The following CUL5 variants were observed in gnomAD, a reference collection of about 807,000 sequenced individuals.
CUL5 encodes cullin 5.
A neutral mutation model predicts 108.8 loss-of-function variants in CUL5; 26 were observed. That is an observed-to-expected ratio of 0.24 (90% CI 0.18 to 0.33). The LOEUF (loss-of-function observed/expected upper bound fraction) is 0.33. CUL5 is among the 10% of genes least tolerant of loss of function. CUL5 has a pLI of 1.00. For synonymous variants in CUL5, 334 were observed against 298.0 expected, an observed-to-expected ratio of 1.12 and a Z score of -1.25; for missense variants, 524 against 909.2, an observed-to-expected ratio of 0.58 and a Z score of 5.45.
At chr11:108,088,103 T>G (rs1200744697) in intron 11 of CUL5, among the ~76,000 whole-genome samples, 1 of 152,142 alleles carries the variant, frequency 6.6e-6, no homozygotes, top group African/African-American at 2.4e-5. Context: ...GTAGGTTATA[T>G]TGGATACATT....
chr11:108,013,904 A>G (rs1468973692), intron 1 of CUL5, among the ~76,000 whole-genome samples: 2 of 152,138 alleles, frequency 1.3e-5, no homozygotes, highest in Admixed American at 6.6e-5. Flanking sequence ...AACAACAACA[A>G]TAAAAAGTGC....
At chr11:108,053,643 ATTTT>A (rs1863295536) in intron 5 of CUL5, among the ~76,000 whole-genome samples, 1 of 137,286 alleles carries the variant, frequency 7.3e-6, no homozygotes, top group African/African-American at 2.7e-5. Flanking sequence ...TTTTATTGGT[ATTTT>A]TTCTACTTAC....
At chr11:108,087,277 A>G (rs1294695836) in intron 11 of CUL5, among the ~76,000 whole-genome samples, 1 of 152,248 alleles carries the variant, frequency 6.6e-6, no homozygotes, top group Non-Finnish European at 1.5e-5. Flanking sequence ...TGATGCATCC[A>G]GTAAAATTTT....
intron 1 of CUL5, among the ~76,000 whole-genome samples, chr11:108,032,866 T>C (rs1027552690): frequency 5.3e-5 from 8 of 152,050 alleles, no homozygotes; most frequent in African/African-American, 1.9e-4. Flanking sequence ...TTTTTTTTTC[T>C]CCTCAGTTTT....
intron 1 of CUL5, among the ~76,000 whole-genome samples, chr11:108,013,693 T>G (rs1440235622): frequency 2.6e-5 from 4 of 152,168 alleles, no homozygotes; most frequent in African/African-American, 9.7e-5. Context: ...TAAACTGAAA[T>G]ATGATTCATA....
intron 11 of CUL5, among the ~76,000 whole-genome samples, chr11:108,079,452 C>T (rs1001459083): frequency 2.4e-4 from 36 of 152,152 alleles, no homozygotes; most frequent in African/African-American, 8.2e-4. Context: ...AATAGAGTTA[C>T]TATGGTTGCT....
intron 4 of CUL5, among the ~76,000 whole-genome samples, chr11:108,050,278 T>C (rs933148239): frequency 7.2e-5 from 11 of 152,186 alleles, no homozygotes; most frequent in Non-Finnish European, 1.5e-4. Context: ...GCTATAGATC[T>C]GCATCTTCAA....
At chr11:108,041,898 G>C (rs1862927637) in intron 2 of CUL5, among the ~76,000 whole-genome samples, 1 of 151,924 alleles carries the variant, frequency 6.6e-6, no homozygotes, top group African/African-American at 2.4e-5. Flanking sequence ...GGCCCCATCA[G>C]CTTCTTAAAA....
chr11:108,042,637 A>G (rs766703608), intron 2 of CUL5, among the ~76,000 whole-genome samples: 65 of 152,112 alleles, frequency 4.3e-4, no homozygotes, highest in Non-Finnish European at 8.1e-4. Context: ...CAACTATTCC[A>G]GGAAGCCTTT....
intron 18 of CUL5, among the ~76,000 whole-genome samples, chr11:108,102,971 T>G (rs111881191): frequency 6.6e-6 from 1 of 151,770 alleles, no homozygotes; most frequent in Non-Finnish European, 1.5e-5. Flanking sequence ...AATTTTTGTA[T>G]TTTTTATAGA....
chr11:108,020,526 G>A (rs1024054970), intron 1 of CUL5, among the ~76,000 whole-genome samples: 18 of 141,748 alleles, frequency 1.3e-4, no homozygotes, highest in African/African-American at 4.5e-4. Context: ...GCAGCTGAAT[G>A]TGTTTGTGAT....
intron 1 of CUL5, among the ~76,000 whole-genome samples, chr11:108,027,994 A>G (rs1862492588): frequency 6.6e-6 from 1 of 152,054 alleles, no homozygotes; most frequent in Non-Finnish European, 1.5e-5. Context: ...CCGCCTCTTA[A>G]TGTTGGATAT....
intron 1 of CUL5, among the ~76,000 whole-genome samples, chr11:108,019,493 A>G (rs1399373308): frequency 1.3e-5 from 2 of 152,194 alleles, no homozygotes; most frequent in Non-Finnish European, 1.5e-5. Context: ...TGTTTTGGTC[A>G]ACAACGGATC....
chr11:108,091,005 A>G (rs563000816), intron 13 of CUL5, among the ~76,000 whole-genome samples: 3 of 152,146 alleles, frequency 2.0e-5, no homozygotes, highest in African/African-American at 7.2e-5. Flanking sequence ...AAACTAATAC[A>G]TATTTACTAC....
intron 4 of CUL5, among the ~76,000 whole-genome samples, chr11:108,050,557 C>G (rs1863190185): frequency 6.6e-6 from 1 of 151,852 alleles, no homozygotes; most frequent in Non-Finnish European, 1.5e-5. Flanking sequence ...TAGTGGAGAC[C>G]AGGTTTCACC....
At chr11:108,058,028 G>GT (rs1863432069) in intron 7 of CUL5, among the ~76,000 whole-genome samples, 1 of 151,798 alleles carries the variant, frequency 6.6e-6, no homozygotes, top group Non-Finnish European at 1.5e-5. Context: ...GACCTACATG[G>GT]TGAAACCCTG....
chr11:108,058,245 CTTTTTTTT>C (rs771714382), intron 7 of CUL5, among the ~76,000 whole-genome samples: 31 of 100,116 alleles, frequency 3.1e-4, no homozygotes, highest in African/African-American at 1.2e-3. Context: ...TGAAGAGTGC[CTTTTTTTT>C]TTTTTTTTTT....
At chr11:108,021,705 G>T (rs1231877181) in intron 1 of CUL5, among the ~76,000 whole-genome samples, 1 of 151,914 alleles carries the variant, frequency 6.6e-6, no homozygotes, top group Non-Finnish European at 1.5e-5. Context: ...TTGTAGAGAT[G>T]GGGTCTCACC....
intron 11 of CUL5, among the ~76,000 whole-genome samples, chr11:108,087,371 A>G (rs1003999311): frequency 3.9e-5 from 6 of 152,246 alleles, no homozygotes; most frequent in South Asian, 2.1e-4. Flanking sequence ...GGATAGCTCA[A>G]TCCTTGGAAA....
Sources: gnomAD v4.1 joint callset for allele counts (sites outside exome capture counted in the v4.1 genomes callset) on GRCh38, gnomAD v4.1.1 for gene constraint, MANE v1.5 for transcripts, NCBI Gene and HGNC (gene_info 2026-07-23, HGNC 2026-07-21) for gene names.